SOX5: variants seen among roughly 807,000 people sequenced by gnomAD.
The protein encoded by SOX5 is SRY-box transcription factor 5.
A neutral mutation model predicts 92.0 loss-of-function variants in SOX5; 9 were observed. The ratio of observed to expected loss-of-function variants is 0.10; its 90% CI spans 0.06 to 0.17. SOX5 has a LOEUF of 0.17. Ranked by LOEUF, SOX5 falls within the 10% of genes least tolerant of loss-of-function variation. The probability of loss-of-function intolerance (pLI) is 1.00; values close to 1 mark genes in which losing one functional copy is unlikely to be tolerated. For synonymous variants in SOX5, 344 were observed against 336.3 expected (o/e 1.02, Z -0.25); for missense variants, 642 against 944.5 (o/e 0.68, Z 4.20).
At chr12:24,273,794 C>G (rs1944073688) in intron 3 of SOX5, among the ~76,000 whole-genome samples, 2 of 152,044 alleles carry the variant, frequency 1.3e-5, no homozygotes, top group Non-Finnish European at 2.9e-5. Context: ...TTGCCCTTTG[C>G]TTTTATAATA....
At chr12:24,250,987 A>G (rs1939922235) in intron 3 of SOX5, among the ~76,000 whole-genome samples, 1 of 152,206 alleles carries the variant, frequency 6.6e-6, no homozygotes, top group Admixed American at 6.5e-5. Context: ...AATCTTTTGC[A>G]GTTAAACTTA....
intron 2 of SOX5, among the ~76,000 whole-genome samples, chr12:23,850,840 A>G (rs1269917145): frequency 6.6e-6 from 1 of 152,164 alleles, no homozygotes; most frequent in Non-Finnish European, 1.5e-5. Flanking sequence ...CACATGCATA[A>G]ACACACAGAC....
At chr12:24,068,710 A>G (rs1321808263) in intron 4 of SOX5, among the ~76,000 whole-genome samples, 10,787 of 52,110 alleles carry the variant, frequency 0.21, 753 homozygotes, top group African/African-American at 0.33. Flanking sequence ...GTGTGTATAT[A>G]TATATATATA....
At chr12:24,260,723 CTCT>C (rs1423410710) in intron 3 of SOX5, among the ~76,000 whole-genome samples, 11 of 152,244 alleles carry the variant, frequency 7.2e-5, no homozygotes, top group Middle Eastern at 3.4e-3. Flanking sequence ...TCTCTTAGCT[CTCT>C]TCTTCTTCTA....
intron 4 of SOX5, among the ~76,000 whole-genome samples, chr12:24,006,887 A>G (rs1368009922): frequency 6.6e-6 from 1 of 151,904 alleles, no homozygotes; most frequent in African/African-American, 2.4e-5. Context: ...TAATCCCAGC[A>G]CTTTGGGAGG....
At chr12:23,927,473 T>C (rs1027562874) in intron 1 of SOX5, among the ~76,000 whole-genome samples, 2 of 152,066 alleles carry the variant, frequency 1.3e-5, no homozygotes, top group Admixed American at 1.3e-4. Context: ...TGGACATACA[T>C]ATAGGCAGGG....
At chr12:23,685,658 C>G in intron 6 of SOX5, among the ~76,000 whole-genome samples, 1 of 149,800 alleles carries the variant, frequency 6.7e-6, no homozygotes, top group Non-Finnish European at 1.5e-5. Flanking sequence ...ATACAGAACC[C>G]TAATTATGAA....
At chr12:24,484,275 T>C (rs12812862) in intron 1 of SOX5, among the ~76,000 whole-genome samples, 13,857 of 152,224 alleles carry the variant, frequency 0.091, 748 homozygotes, top group South Asian at 0.16. Flanking sequence ...GGCATAATTT[T>C]CTAAAGACTT....
At chr12:23,712,219 AT>A (rs2092119385) in intron 6 of SOX5, among the ~76,000 whole-genome samples, 1 of 152,202 alleles carries the variant, frequency 6.6e-6, no homozygotes, top group Non-Finnish European at 1.5e-5. Flanking sequence ...TTCATCAAAT[AT>A]TTTGGTATCA....
intron 2 of SOX5, chr12:24,357,357 T>C (rs924990762): frequency 2.6e-5 from 4 of 152,198 alleles, no homozygotes; most frequent in Admixed American, 1.3e-4. Flanking sequence ...TGCACGAGTA[T>C]AGGTTCTGTG....
intron 4 of SOX5, among the ~76,000 whole-genome samples, chr12:23,992,303 T>C (rs998947979): frequency 6.6e-6 from 1 of 152,164 alleles, no homozygotes; most frequent in African/African-American, 2.4e-5. Context: ...AAAATTACTT[T>C]AGTAAATCTG....
At chr12:24,547,178 A>ATTTTT (rs575562827) in intron 1 of SOX5, among the ~76,000 whole-genome samples, 10 of 99,766 alleles carry the variant, frequency 1.0e-4, no homozygotes, top group Admixed American at 3.3e-4. Context: ...GATATCTAAC[A>ATTTTT]TTTTTTTTTT....
intron 9 of SOX5, among the ~76,000 whole-genome samples, chr12:23,592,330 C>T (rs1322128761): frequency 6.6e-6 from 1 of 152,086 alleles, no homozygotes; most frequent in African/African-American, 2.4e-5. Context: ...TTTTTAAAAA[C>T]CAAAATGATA....
chr12:23,717,307 G>A (rs2092562595), intron 6 of SOX5, among the ~76,000 whole-genome samples: 1 of 152,202 alleles, frequency 6.6e-6, no homozygotes, highest in Non-Finnish European at 1.5e-5. Context: ...TATTCCAGTT[G>A]TGTTGGTTAC....
chr12:24,362,307 C>T (rs904603003), intron 2 of SOX5, among the ~76,000 whole-genome samples: 4 of 133,042 alleles, frequency 3.0e-5, no homozygotes, highest in African/African-American at 5.4e-5. Context: ...ACAAGTCACA[C>T]ATACAGAGTG....
At chr12:24,308,523 C>A (rs1948840350) in intron 2 of SOX5, among the ~76,000 whole-genome samples, 1 of 152,182 alleles carries the variant, frequency 6.6e-6, no homozygotes, top group South Asian at 2.1e-4. Context: ...AGGCAAGAAT[C>A]GAGGTTGCTG....
rs754290046 is a variant in SOX5 at position 23,713,862 on chromosome 12, C to T, written c.810+20822G>A. ...ATCCCAGCACTTTGAGAGGCCAAAGCGGGTGGATCACTTGAAGTCAGGAGT... is the reference window on the plus strand; with the variant it reads ...ATCCCAGCACTTTGAGAGGCCAAAGTGGGTGGATCACTTGAAGTCAGGAGT... On this transcript the variant is annotated intron_variant, in intron 6 of 14. Transcript: ENST00000451604. Among the ~76,000 whole-genome samples, 6 of 151,062 alleles carry T rather than the reference C, an allele frequency of 4.0e-5. No homozygotes were observed. In the South Asian group the frequency reaches 8.3e-4, roughly 21 times the overall value.
rs531868091 is a variant in SOX5 at position 23,715,692 on chromosome 12, G to A, written c.810+18992C>T. Among the ~76,000 whole-genome samples the A allele has an allele frequency of 2.0e-5, 3 of 151,950 alleles. No individual in the cohort carries two copies. In the South Asian group the frequency reaches 6.2e-4, roughly 32 times the overall value. On this transcript the variant is annotated intron_variant, in intron 6 of 14. Transcript: ENST00000451604. ...CGCCAGTTGTGGCGAAGCAATCAAC[G>A]GCTCCCATATGCTCCTTTAAAGCAT...
intron 6 of SOX5, among the ~76,000 whole-genome samples, chr12:23,686,659 T>G (rs2087645955): frequency 6.6e-6 from 1 of 152,154 alleles, no homozygotes; most frequent in Non-Finnish European, 1.5e-5. Flanking sequence ...TATATCCTAT[T>G]ACATTGCAGT....
Sources: allele counts gnomAD v4.1 joint callset (sites outside exome capture counted in the v4.1 genomes callset), GRCh38; gene constraint gnomAD v4.1.1; transcripts MANE v1.5; gene names NCBI Gene and HGNC (gene_info 2026-07-23, HGNC 2026-07-21).